The following WNK1 variants were observed in gnomAD, a reference collection of about 807,000 sequenced individuals.
WNK1 encodes the protein serine/threonine-protein kinase WNK1.
Under a neutral mutation model 222.8 loss-of-function variants are expected in WNK1, and 38 were observed. The ratio of observed to expected loss-of-function variants is 0.17; its 90% confidence interval spans 0.13 to 0.22. The LOEUF (loss-of-function observed/expected upper bound fraction) is 0.22. Ranked by LOEUF, WNK1 falls within the 10% of genes least tolerant of loss-of-function variation. The probability of loss-of-function intolerance (pLI) is 1.00; values close to 1 mark genes in which losing one functional copy is unlikely to be tolerated. For synonymous variants in WNK1, 1,090 were observed against 1,092.9 expected, an observed-to-expected ratio of 1.00 and a Z score of 0.05; for missense variants, 2,348 against 2,918.4, an observed-to-expected ratio of 0.80 and a Z score of 4.50.
chr12:757,791 A>G (rs1259838807), intron 1 of WNK1, among the ~76,000 whole-genome samples: 1 of 147,058 alleles, frequency 6.8e-6, no homozygotes, highest in African/African-American at 2.4e-5. Context: ...TAATCCCAGC[A>G]CTTTGGGAGG....
chr12:869,125 A>G lies in WNK1; in HGVS notation c.2140-2140A>G, dbSNP rs761513138. The G allele has an allele frequency of 1.1e-5, 18 of 1,613,546 alleles. 1 individual carries two copies. In the South Asian group the frequency reaches 1.9e-4, roughly 17 times the overall value. On this transcript the variant is annotated intron_variant, in intron 8 of 27. Transcript: ENST00000315939. ...CACAGGTTATAGGAAAACTTCCACAATTATTTTAAACTACCCTACTTTGCA... is the reference window on the plus strand; with the variant it reads ...CACAGGTTATAGGAAAACTTCCACAGTTATTTTAAACTACCCTACTTTGCA...
chr12:906,673 T>A, intron 26 of WNK1: 1 of 985,240 alleles, frequency 1.0e-6, no homozygotes, highest in African/African-American at 1.7e-5. Context: ...GTTTGCAAAT[T>A]CATGTTTATG....
chr12:904,725 G>A (rs1423184805), intron 26 of WNK1, among the ~76,000 whole-genome samples: 2 of 152,198 alleles, frequency 1.3e-5, no homozygotes, highest in East Asian at 3.8e-4. Flanking sequence ...TAATGGCCAT[G>A]GGTATATATA....
intron 4 of WNK1, among the ~76,000 whole-genome samples, chr12:852,892 A>G (rs1175094589): frequency 2.0e-5 from 3 of 152,194 alleles, no homozygotes; most frequent in African/African-American, 7.2e-5. Context: ...TAATCATTCC[A>G]TGTACACATT....
intron 22 of WNK1, among the ~76,000 whole-genome samples, chr12:891,774 C>T (rs896719543): frequency 2.6e-5 from 4 of 151,540 alleles, no homozygotes; most frequent in African/African-American, 7.3e-5. Flanking sequence ...TCACTATAGA[C>T]AAAAATTTAG....
chr12:769,804 C>T (rs1478308001), intron 1 of WNK1, among the ~76,000 whole-genome samples: 1 of 152,084 alleles, frequency 6.6e-6, no homozygotes, highest in Non-Finnish European at 1.5e-5. Flanking sequence ...CCTAGAAGTC[C>T]AGGCAAGACA....
intron 9 of WNK1, among the ~76,000 whole-genome samples, chr12:875,137 A>G (rs187308809): frequency 2.0e-5 from 3 of 152,350 alleles, no homozygotes; most frequent in Admixed American, 2.0e-4. Context: ...AGATATGTGA[A>G]GGTATAAGTT....
chr12:761,181 T>C (rs1940978782), intron 1 of WNK1, among the ~76,000 whole-genome samples: 1 of 147,060 alleles, frequency 6.8e-6, no homozygotes, highest in South Asian at 2.2e-4. Flanking sequence ...ATTGATCATA[T>C]AATATCTCCA....
intron 9 of WNK1, among the ~76,000 whole-genome samples, chr12:874,545 A>G (rs1952443974): frequency 1.3e-5 from 2 of 152,088 alleles, no homozygotes; most frequent in African/African-American, 4.8e-5. Flanking sequence ...TTTTTTTCCT[A>G]ATTGAGTTCA....
chr12:897,170 T>C (rs1954823715), intron 24 of WNK1, among the ~76,000 whole-genome samples: 1 of 152,224 alleles, frequency 6.6e-6, no homozygotes, highest in Admixed American at 6.5e-5. Context: ...TTGGCACGTT[T>C]TGTTTGGCAG....
intron 2 of WNK1, among the ~76,000 whole-genome samples, chr12:822,775 A>G (rs78184530): frequency 0.034 from 5,242 of 152,324 alleles, 305 homozygotes; most frequent in African/African-American, 0.12. Context: ...TAAATCATGT[A>G]GGAAATAAAA....
intron 1 of WNK1, among the ~76,000 whole-genome samples, chr12:804,333 G>A (rs536304106): frequency 6.6e-6 from 1 of 152,046 alleles, no homozygotes. Context: ...GAAGTATACA[G>A]TTTTGTGGCA....
intron 2 of WNK1, among the ~76,000 whole-genome samples, chr12:822,427 T>A (rs1947980734): frequency 6.6e-6 from 1 of 152,230 alleles, no homozygotes; most frequent in Non-Finnish European, 1.5e-5. Flanking sequence ...AGTCTTGTAC[T>A]GTTTTTTGCT....
At chr12:763,821 A>C (rs1303836959) in intron 1 of WNK1, among the ~76,000 whole-genome samples, 1 of 147,454 alleles carries the variant, frequency 6.8e-6, no homozygotes, top group Non-Finnish European at 1.5e-5. Flanking sequence ...TGGTGTTTGG[A>C]GGAAAAATGA....
chr12:804,150 T>C (rs1168783177), intron 1 of WNK1, among the ~76,000 whole-genome samples: 1 of 152,216 alleles, frequency 6.6e-6, no homozygotes, highest in African/African-American at 2.4e-5. Context: ...AAGCTCTCAG[T>C]GTACTTCTCC....
chr12:790,245 CT>C (rs1285729700), intron 1 of WNK1, among the ~76,000 whole-genome samples: 2 of 152,074 alleles, frequency 1.3e-5, no homozygotes, highest in African/African-American at 4.8e-5. Flanking sequence ...TTCTTTTTAT[CT>C]TTTCATGTTT....
intron 25 of WNK1, among the ~76,000 whole-genome samples, chr12:898,890 G>A (rs1954978667): frequency 6.6e-6 from 1 of 152,068 alleles, no homozygotes; most frequent in Non-Finnish European, 1.5e-5. Flanking sequence ...ACAGGCACAT[G>A]TCACCATGCC....
chr12:854,914 GATAATA>G (rs1269122815), intron 4 of WNK1, among the ~76,000 whole-genome samples: 5 of 152,156 alleles, frequency 3.3e-5, no homozygotes, highest in African/African-American at 9.7e-5. Context: ...GTATTGTTTA[GATAATA>G]ATGACAGGGA....
At chr12:766,872 G>T (rs921279149) in intron 1 of WNK1, among the ~76,000 whole-genome samples, 1 of 152,010 alleles carries the variant, frequency 6.6e-6, no homozygotes, top group Non-Finnish European at 1.5e-5. Context: ...CGCCTCCCAG[G>T]TTCAAGTGAT....
Sources: gnomAD v4.1 joint callset for allele counts (sites outside exome capture counted in the v4.1 genomes callset) on GRCh38, gnomAD v4.1.1 for gene constraint, MANE v1.5 for transcripts, NCBI Gene and HGNC (gene_info 2026-07-23, HGNC 2026-07-21) for gene names.